Variants in SLC27A5 observed in about 807,000 individuals in gnomAD.
SLC27A5 encodes the protein solute carrier family 27 member 5.
SLC27A5 carries 47 observed loss-of-function variants against 63.1 expected under a neutral mutation model. The observed-to-expected ratio is 0.74, with a 90% CI of 0.59 to 0.95. The LOEUF (loss-of-function observed/expected upper bound fraction) is 0.95, where lower values mean the gene tolerates loss of function less well. SLC27A5 is among the 40% of genes least tolerant of loss of function. The pLI, the probability that SLC27A5 is intolerant of heterozygous loss-of-function variation, is 0.00. For missense variants in SLC27A5, 940 were observed against 921.0 expected, an observed-to-expected ratio of 1.02 and a Z score of -0.27; for synonymous variants, 391 against 403.8, an observed-to-expected ratio of 0.97 and a Z score of 0.38.
Position 58,510,738 on chromosome 19 carries a change from T to C in SLC27A5, c.881A>G (p.Tyr294Cys), listed in dbSNP as rs759023377. The C allele has an allele frequency of 3.7e-5, 60 of 1,610,410 alleles. 1 individual carries two copies. In the South Asian group the frequency reaches 5.7e-4, roughly 15 times the overall value. Residue 294 changes from tyrosine to cysteine, a missense_variant, in exon 2 of 10, where the codon TAT becomes TGT. Tyr to Cys is a radical substitution (Grantham distance 194). Coordinates refer to ENST00000263093, the MANE Select transcript of SLC27A5 (RefSeq NM_012254.3). ...ACCCTCACCAGTGGTCCCCGAGGTA[T>C]AGATGAAGAGGGCAGGGCTTCTCCA... The part of the protein sequence containing the change: ...ITWRSPALFI[Y>C]TSGTTGLPKP...
Position 58,500,424 on chromosome 19 carries a change from C to T in SLC27A5, c.1383G>A (p.Leu461=), listed in dbSNP as rs1278568080. Residue 461 remains leucine, a synonymous_variant, in exon 6 of 10, where the codon CTG becomes CTA. Transcript: ENST00000263093. ...CGAACTGCACCAGCTCAAAGGGGGA[C>T]AGCATCTGGGGTGGAGGGTGGAGTG... The part of the protein sequence containing the change: ...LGKMSCLLRM[L]SPFELVQFDM... 7 of 1,613,758 alleles carry T rather than the reference C, an allele frequency of 4.3e-6. 1 individual carries two copies. The South Asian group carries it at 7.7e-5, about 18-fold the overall frequency.
chr19:58,511,618 G>T lies in SLC27A5; in HGVS notation c.338C>A (p.Pro113His). Reference sequence around the variant, plus strand: ...CTCGAAGGCATCTACAAAGGTGTCAGGCGGCTGCCGGCTCAAGCATCCCCT... The same window carrying T: ...CTCGAAGGCATCTACAAAGGTGTCATGCGGCTGCCGGCTCAAGCATCCCCT... ...KIRGCLSRQPPDTFVDAFERR... is the reference protein window; with the variant it reads ...KIRGCLSRQPHDTFVDAFERR... The change falls in exon 1 of 10, where the codon CCT becomes CAT. Residue 113 changes from proline to histidine, a missense_variant. Physicochemically the swap from Pro to His is moderately conservative, Grantham distance 77. Transcript: ENST00000263093. 1 of 1,596,094 alleles carries T rather than the reference G, an allele frequency of 6.3e-7. No individual in the cohort carries two copies. Among genetic ancestry groups the T allele is most frequent in the South Asian group, 1.1e-5 (1 of 88,858 alleles).
intron 3 of SLC27A5, among the ~76,000 whole-genome samples, chr19:58,507,181 A>AC (rs1404401520): frequency 6.6e-6 from 1 of 151,910 alleles, no homozygotes; most frequent in African/African-American, 2.4e-5. Context: ...ACATGGTGAG[A>AC]CCCCACCTAT....
At chr19:58,510,620 T>C (rs1600046336) in intron 2 of SLC27A5, 101 bp downstream of exon 2, 2 of 985,596 alleles carry the variant, frequency 2.0e-6, no homozygotes, top group African/African-American at 1.7e-5. Flanking sequence ...AATCAGAGGG[T>C]AAAGTGGTTT....
At chr19:58,507,187 CCTATA>C (rs2053357275) in intron 3 of SLC27A5, among the ~76,000 whole-genome samples, 1 of 151,884 alleles carries the variant, frequency 6.6e-6, no homozygotes, top group African/African-American at 2.4e-5. Flanking sequence ...TGAGACCCCA[CCTATA>C]CTAAAAATTC....
intron 4 of SLC27A5, 189 bp downstream of exon 4, chr19:58,501,097 G>A (rs765797443): frequency 2.6e-6 from 3 of 1,176,072 alleles, no homozygotes; most frequent in Non-Finnish European, 3.4e-6. Flanking sequence ...AGGACACTGA[G>A]GCTCAAGGTA....
intron 8 of SLC27A5, 30 bp from the exon 9 acceptor site, chr19:58,498,945 A>C: frequency 6.2e-7 from 1 of 1,602,068 alleles, no homozygotes; most frequent in Non-Finnish European, 8.5e-7. Context: ...CTCTCGGCTG[A>C]CCCATCTCGA....
chr19:58,501,186 C>A (rs2053269345), intron 4 of SLC27A5, 100 bp downstream of exon 4: 2 of 1,466,192 alleles, frequency 1.4e-6, no homozygotes, highest in Admixed American at 2.1e-5. Flanking sequence ...GGTGTATTAT[C>A]TGAGGGACTT....
Position 58,499,238 on chromosome 19 carries a change from G to A in SLC27A5, c.1668-18C>T. The stretch of plus-strand genomic sequence containing the variant: ...CCTTCCATCTGCAAGGAGGGAGCCG[G>A]CGCTTGTGACCACGCCCCCGGGAAG... On this transcript the variant is annotated intron_variant, in intron 7 of 9. Coordinates refer to ENST00000263093, the MANE Select transcript of SLC27A5 (RefSeq NM_012254.3). The A allele has an allele frequency of 6.2e-7, 1 of 1,611,514 alleles. No individual in the cohort carries two copies.
chr19:58,509,682 A>G lies in SLC27A5; in HGVS notation c.1057+165T>C, dbSNP rs4801275. On this transcript the variant is annotated intron_variant, in intron 3 of 9. Coordinates refer to ENST00000263093, the MANE Select transcript of SLC27A5 (RefSeq NM_012254.3). ...CCATCAGGGACTGTGTGGGTGTCCA[A>G]GCTTCTGTCCATGCGGCCCTGGTAG... 553,621 of 595,938 alleles carry G rather than the reference A, an allele frequency of 0.93. 258,379 individuals are homozygous for G. The highest frequency in any genetic ancestry group is 0.96 in the Non-Finnish European group (344,122 of 357,130). The allele number at this position is 595,938 out of a possible 1,614,324, so 36.9% of individuals were successfully genotyped here.
In SLC27A5 at chr19:58,498,543, G is replaced by A. The variant is rs748534051; in HGVS notation, c.2045C>T (p.Ala682Val). 3 of 1,613,658 alleles carry A rather than the reference G, an allele frequency of 1.9e-6. No homozygotes were observed. The highest frequency in any genetic ancestry group is 1.3e-5 in the African/African-American group (1 of 74,906). Residue 682 changes from alanine (A) to valine (V), a missense_variant, in exon 10 of 10, where the codon GCT (alanine) becomes GTT (valine). Coordinates refer to ENST00000263093, the MANE Select transcript of SLC27A5 (RefSeq NM_012254.3). ...GAGCCTCCAGGTTCCCTCACACACA[G>A]CCTGGTACATTTCTGCCGTCAGGGG... ...FRPLTAEMYQ[A>V]VCEGTWRL
rs760808817 is a variant in SLC27A5 at position 58,499,614 on chromosome 19, C to T, written c.1545G>A (p.Ser515=). Residue 515 remains serine, a synonymous_variant, in exon 7 of 10, where the codon TCG becomes TCA. Transcript: ENST00000263093. The part of the protein sequence containing the change: ...FVGYRGPREL[S]ERKLVRNVRQ... ...GCACGTTGCGCACCAGCTTCCGTTCCGACAGCTCTCGGGGGCCGCGGTAGC... is the reference window on the plus strand; with the variant it reads ...GCACGTTGCGCACCAGCTTCCGTTCTGACAGCTCTCGGGGGCCGCGGTAGC... 1.9e-6 allele frequency: 3 copies of T among 1,613,060 alleles called. No individual in the cohort carries two copies. The highest frequency in any genetic ancestry group is 2.2e-5 in the East Asian group (1 of 44,876).
At chr19:58,502,013 C>T (rs1459125828) in intron 3 of SLC27A5, among the ~76,000 whole-genome samples, 2 of 152,148 alleles carry the variant, frequency 1.3e-5, no homozygotes, top group African/African-American at 4.8e-5. Flanking sequence ...GTCACTGACT[C>T]GAAGCTCAAA....
At position 58,499,583 on chromosome 19, in the gene SLC27A5, A is replaced by C; in HGVS notation, c.1576T>G (p.Ser526Ala). 1 of 1,612,634 alleles carries C rather than the reference A, an allele frequency of 6.2e-7. No homozygotes were observed. The highest frequency in any genetic ancestry group is 1.1e-5 in the South Asian group (1 of 91,048). ...CCGGTGTTGTAGTAAACGTCGCCCGATTGCCGCACGTTGCGCACCAGCTTC... is the reference window on the plus strand; with the variant it reads ...CCGGTGTTGTAGTAAACGTCGCCCGCTTGCCGCACGTTGCGCACCAGCTTC... The part of the protein sequence containing the change: ...ERKLVRNVRQ[S>A]GDVYYNTGDV... Residue 526 changes from serine to alanine, a missense_variant, in exon 7 of 10, where the codon TCG becomes GCG. Coordinates refer to ENST00000263093, the MANE Select transcript of SLC27A5 (RefSeq NM_012254.3).
At chr19:58,506,474 G>A (rs919516528) in intron 3 of SLC27A5, among the ~76,000 whole-genome samples, 2 of 152,202 alleles carry the variant, frequency 1.3e-5, no homozygotes, top group African/African-American at 4.8e-5. Flanking sequence ...GGGAGGCAGA[G>A]GTTGTGGTGA....
intron 3 of SLC27A5, among the ~76,000 whole-genome samples, chr19:58,506,476 T>C (rs1342304642): frequency 6.6e-6 from 1 of 151,954 alleles, no homozygotes; most frequent in African/African-American, 2.4e-5. Flanking sequence ...GAGGCAGAGG[T>C]TGTGGTGATC....
At chr19:58,506,500 C>T (rs1380443830) in intron 3 of SLC27A5, among the ~76,000 whole-genome samples, 23 of 152,192 alleles carry the variant, frequency 1.5e-4, no homozygotes, top group Admixed American at 1.5e-3. Flanking sequence ...GATGGTGCCA[C>T]TGCACTCCAG....
intron 3 of SLC27A5, among the ~76,000 whole-genome samples, chr19:58,504,113 T>G (rs1019899497): frequency 6.6e-5 from 10 of 152,086 alleles, no homozygotes; most frequent in African/African-American, 2.4e-4. Flanking sequence ...AGACTCTGTC[T>G]CTAAAAACAA....
chr19:58,510,846 G>A lies in SLC27A5; in HGVS notation c.773C>T (p.Thr258Ile), dbSNP rs530755796. The A allele has an allele frequency of 3.1e-6, 5 of 1,613,260 alleles. No individual in the cohort carries two copies. Among genetic ancestry groups the A allele is most frequent in the African/African-American group, 2.7e-5 (2 of 74,918 alleles). ...RCFYLSHTSP[T>I]PGVGALGAAL... The stretch of plus-strand genomic sequence containing the variant: ...AGCCCCCAGAGCCCCCACCCCTGGT[G>A]TAGGGGAGGTATGGCTGAGGTAGAA... The change falls in exon 2 of 10, where the codon ACA (threonine) becomes ATA (isoleucine). Residue 258 changes from threonine (T) to isoleucine (I), a missense_variant. Thr to Ile is a moderately conservative substitution (Grantham distance 89). Coordinates refer to ENST00000263093, the MANE Select transcript of SLC27A5 (RefSeq NM_012254.3).
Sources: gnomAD v4.1 joint callset for allele counts (sites outside exome capture counted in the v4.1 genomes callset) on GRCh38, gnomAD v4.1.1 for gene constraint, MANE v1.5 for transcripts, NCBI Gene and HGNC (gene_info 2026-07-23, HGNC 2026-07-21) for gene names.